The following DUSP10 variants were observed in gnomAD, a reference collection of about 807,000 sequenced individuals.
DUSP10 encodes the protein dual specificity protein phosphatase 10.
A neutral mutation model predicts 30.8 loss-of-function variants in DUSP10; 14 were observed. The ratio of observed to expected loss-of-function variants is 0.46; its 90% CI spans 0.30 to 0.71. The LOEUF (loss-of-function observed/expected upper bound fraction) is 0.71. Among genes scored for constraint, DUSP10 ranks in the 30% least tolerant of loss-of-function variants. The pLI is 0.08. For missense variants in DUSP10, 550 were observed against 619.4 expected, an observed-to-expected ratio of 0.89 and a Z score of 1.19; for synonymous variants, 254 against 250.4, an observed-to-expected ratio of 1.01 and a Z score of -0.14.
intron 2 of DUSP10, among the ~76,000 whole-genome samples, chr1:221,717,743 G>T (rs1369677287): frequency 6.6e-6 from 1 of 152,124 alleles, no homozygotes; most frequent in African/African-American, 2.4e-5. Flanking sequence ...TCTCTGCCTT[G>T]TGAGGGCACA....
intron 2 of DUSP10, among the ~76,000 whole-genome samples, chr1:221,715,935 A>C (rs1418704760): frequency 1.0e-4 from 14 of 136,026 alleles, no homozygotes; most frequent in African/African-American, 2.2e-4. Flanking sequence ...CCCCTTCTCC[A>C]CTCTTCTCTC....
Position 221,702,371 on chromosome 1 carries a change from C to A in DUSP10, c.*41G>T. 6.3e-7 allele frequency: 1 copy of A among 1,596,204 alleles called. No individual in the cohort carries two copies. The highest frequency in any genetic ancestry group is 1.1e-5 in the South Asian group (1 of 90,146). ...AGAATCCATCCTCCTTCCTCATTGT[C>A]TCCTAATGGAGAGCAGCAATCCTTT... On this transcript the variant is annotated 3_prime_UTR_variant, in exon 4 of 4. Transcript: ENST00000366899. The surrounding 1 kb of genome is among the most constrained non-coding windows in gnomAD (Gnocchi z 4.5).
intron 2 of DUSP10, among the ~76,000 whole-genome samples, chr1:221,726,287 A>G (rs1014794745): frequency 2.0e-5 from 3 of 152,244 alleles, no homozygotes; most frequent in African/African-American, 7.2e-5. Flanking sequence ...GAAAATTCCA[A>G]ACAAGGGTTT....
At chr1:221,733,400 A>G (rs1472743783) in intron 2 of DUSP10, among the ~76,000 whole-genome samples, 1 of 152,230 alleles carries the variant, frequency 6.6e-6, no homozygotes, top group Non-Finnish European at 1.5e-5. Context: ...CTAATGTGAA[A>G]TCATGTCTCC....
rs1661865065 is a variant in DUSP10, at chr1:221,739,065, C to G, written c.680G>C (p.Arg227Thr). The G allele has an allele frequency of 6.2e-7, 1 of 1,614,096 alleles. No homozygotes were observed. The highest frequency in any genetic ancestry group is 8.5e-7 in the Non-Finnish European group (1 of 1,180,058). Residue 227 changes from arginine to threonine, a missense_variant, in exon 2 of 4, where the codon AGG becomes ACG. Transcript: ENST00000366899. The part of the protein sequence containing the change: ...SCREGKDSFK[R>T]IFSKEIIVYD... ...AACTATAATTTCTTTGGAAAAGATC[C>G]TCTTGAAAGAGTCCTTGCCTTCCCT...
intron 2 of DUSP10, among the ~76,000 whole-genome samples, chr1:221,717,649 A>T (rs6678488): frequency 2.6e-5 from 4 of 151,848 alleles, no homozygotes; most frequent in South Asian, 2.1e-4. Flanking sequence ...CCTAATCCCC[A>T]GCGTGAGGTC....
intron 2 of DUSP10, among the ~76,000 whole-genome samples, chr1:221,708,686 T>A (rs11118831): frequency 1.3e-5 from 2 of 152,024 alleles, no homozygotes; most frequent in Non-Finnish European, 2.9e-5. Context: ...GGAAAATAAC[T>A]TCACCAGTGA....
At chr1:221,720,349 C>T (rs1661246490) in intron 2 of DUSP10, among the ~76,000 whole-genome samples, 2 of 152,208 alleles carry the variant, frequency 1.3e-5, no homozygotes, top group Non-Finnish European at 1.5e-5. Flanking sequence ...TCACCAATGA[C>T]CAATGATGTA....
intron 2 of DUSP10, among the ~76,000 whole-genome samples, chr1:221,720,843 T>C (rs1482788205): frequency 2.6e-5 from 4 of 152,242 alleles, no homozygotes; most frequent in African/African-American, 4.8e-5. Context: ...TATCATATCA[T>C]GAAGTTTTTA....
In DUSP10 at chr1:221,702,718, A is replaced by G; in HGVS notation, c.1184-41T>C. Reference sequence around the variant, plus strand: ...AAGACAAGAGATGAAGGGAAGATGGAAGAGAGAGGCACGGAGAGAGAAACT... The same window carrying G: ...AAGACAAGAGATGAAGGGAAGATGGGAGAGAGAGGCACGGAGAGAGAAACT... On this transcript the variant is annotated intron_variant, in intron 3 of 3. Coordinates refer to ENST00000366899, the MANE Select transcript of DUSP10 (RefSeq NM_007207.6). This position sits in a 1 kb window ranked among gnomAD's most constrained non-coding sequence, Gnocchi z 4.5. The G allele has an allele frequency of 6.2e-7, 1 of 1,603,632 alleles. No individual in the cohort carries two copies. Among genetic ancestry groups the G allele is most frequent in the Non-Finnish European group, 8.5e-7 (1 of 1,172,380 alleles).
intron 2 of DUSP10, among the ~76,000 whole-genome samples, chr1:221,708,203 A>G (rs971262765): frequency 6.6e-6 from 1 of 152,242 alleles, no homozygotes; most frequent in Non-Finnish European, 1.5e-5. Context: ...TCCAGGAGAT[A>G]AGGCAGAAAA....
At chr1:221,716,150 A>C (rs1269012449) in intron 2 of DUSP10, among the ~76,000 whole-genome samples, 1 of 152,180 alleles carries the variant, frequency 6.6e-6, no homozygotes, top group East Asian at 1.9e-4. Flanking sequence ...CCTGGAATAC[A>C]TTTTGATGCT....
intron 2 of DUSP10, among the ~76,000 whole-genome samples, chr1:221,723,699 C>T (rs1013188062): frequency 1.3e-5 from 2 of 152,224 alleles, no homozygotes; most frequent in Non-Finnish European, 2.9e-5. Context: ...GATAAAGACA[C>T]ATACAGGGCA....
At chr1:221,741,812 A>G (rs900068277) in intron 1 of DUSP10, among the ~76,000 whole-genome samples, 169 bp downstream of exon 1, 1 of 152,038 alleles carries the variant, frequency 6.6e-6, no homozygotes, top group Non-Finnish European at 1.5e-5. Context: ...TACCTGCTGT[A>G]GCTCCTCCGT....
chr1:221,705,708 T>C (rs1177598307), intron 3 of DUSP10, among the ~76,000 whole-genome samples: 1 of 152,156 alleles, frequency 6.6e-6, no homozygotes, highest in Non-Finnish European at 1.5e-5. Flanking sequence ...GCTTCCAAGG[T>C]GCTCAACGGC....
chr1:221,732,086 A>G (rs1661626940), intron 2 of DUSP10, among the ~76,000 whole-genome samples: 1 of 152,212 alleles, frequency 6.6e-6, no homozygotes. Flanking sequence ...TCCCATCCAT[A>G]TATGTTGTCT....
chr1:221,701,498 C>G lies in DUSP10; in HGVS notation c.*914G>C, dbSNP rs1297141306. The G allele has an allele frequency of 2.5e-5, 3 of 118,492 alleles. No individual in the cohort carries two copies. Among genetic ancestry groups the G allele is most frequent in the African/African-American group, 1.0e-4 (3 of 29,748 alleles). The allele number at this position is 118,492 out of a possible 1,614,324, so 7.3% of individuals were successfully genotyped here. A position where few individuals can be genotyped will look rare whatever the true frequency, so the allele number is the denominator to read the frequency against. On this transcript the variant is annotated 3_prime_UTR_variant, in exon 4 of 4. Coordinates refer to ENST00000366899, the MANE Select transcript of DUSP10 (RefSeq NM_007207.6). The stretch of plus-strand genomic sequence containing the variant: ...CACACCAAGATTTTTTTTTTTTTTG[C>G]GAAAAATATTTTTAAATAAATTTTT...
chr1:221,710,414 C>A (rs1387348814), intron 2 of DUSP10, among the ~76,000 whole-genome samples: 1 of 152,130 alleles, frequency 6.6e-6, no homozygotes. Flanking sequence ...ATAGTACCTA[C>A]CTCACTGTAC....
chr1:221,703,345 T>C (rs1660664208), intron 3 of DUSP10, among the ~76,000 whole-genome samples: 1 of 152,188 alleles, frequency 6.6e-6, no homozygotes, highest in African/African-American at 2.4e-5. Context: ...AACACTTTCT[T>C]TATTCTATAG....
Sources: allele counts gnomAD v4.1 joint callset (sites outside exome capture counted in the v4.1 genomes callset), GRCh38; gene constraint gnomAD v4.1.1; non-coding constraint Gnocchi (gnomAD v3.1); transcripts MANE v1.5; gene names NCBI Gene and HGNC (gene_info 2026-07-23, HGNC 2026-07-21).